Variants in CDH9 observed in about 807,000 individuals in gnomAD.
CDH9 encodes the protein cadherin 9.
Under a neutral mutation model 70.9 loss-of-function variants are expected in CDH9, and 28 were observed. The ratio of observed to expected loss-of-function variants is 0.40; its 90% confidence interval spans 0.29 to 0.54. The LOEUF (loss-of-function observed/expected upper bound fraction) is 0.54, where lower values mean the gene tolerates loss of function less well. Among genes scored for constraint, CDH9 ranks in the 20% least tolerant of loss-of-function variants. The pLI, the probability that CDH9 is intolerant of heterozygous loss-of-function variation, is 0.59. For synonymous variants in CDH9, 409 were observed against 343.1 expected, an observed-to-expected ratio of 1.19 and a Z score of -2.12; for missense variants, 874 against 984.4, an observed-to-expected ratio of 0.89 and a Z score of 1.50.
At chr5:26,922,927 A>G (rs1309241833) in intron 2 of CDH9, among the ~76,000 whole-genome samples, 1 of 151,738 alleles carries the variant, frequency 6.6e-6, no homozygotes, top group Non-Finnish European at 1.5e-5. Flanking sequence ...TGGAGTGGAT[A>G]ATGAGGTTAA....
At chr5:26,983,700 T>G (rs943504722) in intron 2 of CDH9, among the ~76,000 whole-genome samples, 1 of 147,994 alleles carries the variant, frequency 6.8e-6, no homozygotes, top group Non-Finnish European at 1.5e-5. Flanking sequence ...CTATAAGTAA[T>G]GATACTTTCA....
chr5:26,881,555 C>A lies in CDH9; in HGVS notation c.1951G>T (p.Asp651Tyr). ...KKEPLIISKD[D>Y]VRDNIVTYND... ...TAGGTCACAATGTTGTCCCGGACAT[C>A]GTCTTTTGAAATTATCAGAGGTTCC... Residue 651 changes from aspartate (D) to tyrosine (Y), a missense_variant, in exon 12 of 12, where the codon GAT becomes TAT. Physicochemically the swap from Asp to Tyr is radical, Grantham distance 160. Transcript: ENST00000231021. 3.7e-6 allele frequency: 6 copies of A among 1,613,510 alleles called. No individual in the cohort carries two copies. Among genetic ancestry groups the A allele is most frequent in the Non-Finnish European group, 5.1e-6 (6 of 1,179,688 alleles).
At chr5:27,022,292 T>A (rs954021363) in intron 1 of CDH9, among the ~76,000 whole-genome samples, 1 of 152,048 alleles carries the variant, frequency 6.6e-6, no homozygotes, top group Non-Finnish European at 1.5e-5. Context: ...TAAAGGATCA[T>A]TGGACCTTAG....
intron 1 of CDH9, among the ~76,000 whole-genome samples, chr5:27,020,632 C>G (rs771121574): frequency 2.6e-4 from 40 of 151,276 alleles, no homozygotes; most frequent in Non-Finnish European, 5.0e-4. Flanking sequence ...GTTGCACAGA[C>G]TTTTGTTTTA....
chr5:26,962,279 A>G (rs1178682938), intron 2 of CDH9, among the ~76,000 whole-genome samples: 1 of 152,144 alleles, frequency 6.6e-6, no homozygotes, highest in Non-Finnish European at 1.5e-5. Flanking sequence ...TGCCACAATA[A>G]ACATACTTGT....
At chr5:27,037,838 C>T (rs1021564865) in intron 1 of CDH9, among the ~76,000 whole-genome samples, 3 of 151,892 alleles carry the variant, frequency 2.0e-5, no homozygotes, top group Non-Finnish European at 4.4e-5. Context: ...TTCAGAGTGT[C>T]GACCTGAGTG....
rs111941790 is a variant in CDH9 at position 26,904,750 on chromosome 5, C to A, written c.812-926G>T. Among the ~76,000 whole-genome samples the A allele has an allele frequency of 7.6e-3, 1,163 of 152,100 alleles. 16 individuals carry two copies. Among genetic ancestry groups the A allele is most frequent in the African/African-American group, 0.027 (1,112 of 41,510 alleles). On this transcript the variant is annotated intron_variant, in intron 5 of 11. Transcript: ENST00000231021. ...GACCACCTGGCCAGTTAGTTAAATT[C>A]GCTAAACTTTGATGTCTGCGTCTAA...
intron 1 of CDH9, among the ~76,000 whole-genome samples, chr5:26,988,886 T>C (rs1742534378): frequency 6.6e-6 from 1 of 152,054 alleles, no homozygotes. Flanking sequence ...CAGATTGAAA[T>C]GTTGCCTCAA....
At chr5:26,902,293 G>T (rs186222482) in intron 7 of CDH9, among the ~76,000 whole-genome samples, 183 bp downstream of exon 7, 5 of 151,714 alleles carry the variant, frequency 3.3e-5, no homozygotes, top group Admixed American at 3.3e-4. Context: ...GAAGTGTTTG[G>T]TATTATTACT....
chr5:26,925,344 C>T (rs1047408664), intron 2 of CDH9, among the ~76,000 whole-genome samples: 1 of 152,074 alleles, frequency 6.6e-6, no homozygotes, highest in Admixed American at 6.6e-5. Flanking sequence ...GCATAAATGT[C>T]TTCTTTTGAG....
At chr5:26,924,940 C>A (rs1015968701) in intron 2 of CDH9, among the ~76,000 whole-genome samples, 6 of 151,874 alleles carry the variant, frequency 4.0e-5, no homozygotes, top group Non-Finnish European at 8.8e-5. Context: ...TTTTTTTAAT[C>A]CAGTCTATCA....
At chr5:26,985,639 T>A (rs1742476329) in intron 2 of CDH9, among the ~76,000 whole-genome samples, 1 of 152,152 alleles carries the variant, frequency 6.6e-6, no homozygotes, top group Non-Finnish European at 1.5e-5. Flanking sequence ...TCCCAGCTTC[T>A]ATAAAACTAT....
intron 1 of CDH9, among the ~76,000 whole-genome samples, chr5:27,030,489 G>A (rs1371020319): frequency 2.0e-5 from 3 of 150,920 alleles, no homozygotes; most frequent in Non-Finnish European, 4.4e-5. Context: ...CAGAAAAGCA[G>A]GGGGGATGGA....
chr5:27,004,261 G>T (rs1338976694), intron 1 of CDH9, among the ~76,000 whole-genome samples: 4 of 152,126 alleles, frequency 2.6e-5, no homozygotes, highest in East Asian at 3.9e-4. Flanking sequence ...GAGAAGGTGG[G>T]TGGAGAAAGG....
chr5:26,918,617 GCACACCT>G (rs1284895588), intron 2 of CDH9, among the ~76,000 whole-genome samples: 2 of 152,196 alleles, frequency 1.3e-5, no homozygotes, highest in Non-Finnish European at 2.9e-5. Context: ...AAAGTGGATT[GCACACCT>G]CAGTATGGGT....
chr5:26,944,951 T>C (rs1229773370), intron 2 of CDH9, among the ~76,000 whole-genome samples: 1 of 83,476 alleles, frequency 1.2e-5, no homozygotes, highest in African/African-American at 3.2e-5. Flanking sequence ...ATATACACTA[T>C]TAGTAGAACT....
chr5:27,016,675 T>G (rs928290220), intron 1 of CDH9, among the ~76,000 whole-genome samples: 1 of 151,846 alleles, frequency 6.6e-6, no homozygotes, highest in South Asian at 2.1e-4. Context: ...ATGCAAATTA[T>G]CCATAAAATA....
At chr5:26,970,528 G>T (rs1193913688) in intron 2 of CDH9, among the ~76,000 whole-genome samples, 1 of 151,932 alleles carries the variant, frequency 6.6e-6, no homozygotes. Context: ...CCAATATATT[G>T]TTGCTTCATG....
chr5:26,887,901 G>A lies in CDH9; in HGVS notation c.1513-1818C>T, dbSNP rs79617305. Among the ~76,000 whole-genome samples, 732 of 152,206 alleles carry A rather than the reference G, an allele frequency of 4.8e-3. 6 individuals carry two copies. Among genetic ancestry groups the A allele is most frequent in the South Asian group, 9.1e-3 (44 of 4,822 alleles). ...AGCACATGAAGCTAGAAAGTGCCAA[G>A]GGAGGATAGTCTCCTAGAACCTTTA... On this transcript the variant is annotated intron_variant, in intron 9 of 11. Transcript: ENST00000231021.
Sources: gnomAD v4.1 joint callset for allele counts (sites outside exome capture counted in the v4.1 genomes callset) on GRCh38, gnomAD v4.1.1 for gene constraint, MANE v1.5 for transcripts, NCBI Gene and HGNC (gene_info 2026-07-23, HGNC 2026-07-21) for gene names.